Variants in ZC3H12B observed in about 807,000 individuals in gnomAD.
ZC3H12B encodes the protein zinc finger CCCH-type containing 12B.
A neutral mutation model predicts 43.9 loss-of-function variants in ZC3H12B; 7 were observed. The ratio of observed to expected loss-of-function variants is 0.16; its 90% CI spans 0.09 to 0.30. The LOEUF (loss-of-function observed/expected upper bound fraction) is 0.30, where lower values mean the gene tolerates loss of function less well. Among genes scored for constraint, ZC3H12B ranks in the 10% least tolerant of loss-of-function variants. The pLI is 1.00. For missense variants in ZC3H12B, 475 were observed against 670.2 expected, an observed-to-expected ratio of 0.71 and a Z score of 3.22; for synonymous variants, 222 against 241.7, an observed-to-expected ratio of 0.92 and a Z score of 0.76.
At chrX:65,298,448 A>T in the ZC3H12B span, among the ~76,000 whole-genome samples, 1 of 112,342 alleles carries the variant, frequency 8.9e-6, no homozygotes. Context: ...ACAACAATAA[A>T]GATCTAAAAT....
intron 3 of ZC3H12B, among the ~76,000 whole-genome samples, chrX:65,452,438 G>GAA (rs778151005): frequency 1.1e-5 from 1 of 93,245 alleles, no homozygotes; most frequent in Non-Finnish European, 2.2e-5. Context: ...TACAATAGCT[G>GAA]AAAAAAAAAA....
At chrX:65,244,124 G>A in the ZC3H12B span, among the ~76,000 whole-genome samples, 3 of 111,220 alleles carry the variant, frequency 2.7e-5, no homozygotes, top group African/African-American at 9.8e-5. Context: ...GAGTGGAATG[G>A]TACTATCCCT....
chrX:65,374,788 CCTT>C (rs1224028175), intron 2 of ZC3H12B, among the ~76,000 whole-genome samples: 3 of 111,056 alleles, frequency 2.7e-5, no homozygotes, highest in Non-Finnish European at 5.7e-5. Flanking sequence ...GCAATCATGT[CCTT>C]CTTCACATGG....
chrX:65,269,663 C>CT, the ZC3H12B span, among the ~76,000 whole-genome samples: 141 of 108,228 alleles, frequency 1.3e-3, no homozygotes, highest in Middle Eastern at 4.8e-3. Flanking sequence ...TCACACCTGG[C>CT]TTTTTTTTTC....
intron 3 of ZC3H12B, among the ~76,000 whole-genome samples, chrX:65,472,496 G>A (rs748982979): frequency 8.3e-5 from 9 of 108,858 alleles, no homozygotes; most frequent in Non-Finnish European, 1.3e-4. Context: ...CCAAAAAATC[G>A]TTGCCCAGAC....
At chrX:65,130,217 G>A in the ZC3H12B span, among the ~76,000 whole-genome samples, 9 of 111,169 alleles carry the variant, frequency 8.1e-5, no homozygotes, top group Admixed American at 8.6e-4. Context: ...ATTGAAGACA[G>A]TAAGGGGTAT....
chrX:65,212,531 A>T, the ZC3H12B span, among the ~76,000 whole-genome samples: 1 of 74,559 alleles, frequency 1.3e-5, no homozygotes, highest in East Asian at 3.9e-4. Flanking sequence ...ATTATATTAC[A>T]TATAATGTAT....
At chrX:65,139,662 ATTGCT>A in the ZC3H12B span, among the ~76,000 whole-genome samples, 1 of 111,537 alleles carries the variant, frequency 9.0e-6, no homozygotes, top group East Asian at 2.8e-4. Flanking sequence ...GAATATATAG[ATTGCT>A]TTGAGTAGTA....
chrX:65,070,656 G>T, the ZC3H12B span, among the ~76,000 whole-genome samples: 1 of 110,613 alleles, frequency 9.0e-6, no homozygotes, highest in Admixed American at 9.6e-5. Context: ...CAGTTTCAAA[G>T]AACTTCTTGA....
chrX:65,423,359 C>A (rs1448611339), intron 3 of ZC3H12B, among the ~76,000 whole-genome samples: 2 of 112,207 alleles, frequency 1.8e-5, no homozygotes, highest in Non-Finnish European at 3.8e-5. Flanking sequence ...GATTTATAAT[C>A]CTTTGGGTAT....
the ZC3H12B span, among the ~76,000 whole-genome samples, chrX:65,311,757 A>T: frequency 3.6e-5 from 4 of 111,996 alleles, no homozygotes; most frequent in Non-Finnish European, 7.5e-5. Context: ...ATGTCCATCA[A>T]TGATAGACTG....
chrX:65,406,730 C>T (rs1305482921), intron 3 of ZC3H12B, among the ~76,000 whole-genome samples: 1 of 111,843 alleles, frequency 8.9e-6, no homozygotes, highest in Non-Finnish European at 1.9e-5. Flanking sequence ...GTAGGAGCGG[C>T]GGCTGCAGGA....
chrX:65,196,196 G>T, the ZC3H12B span, among the ~76,000 whole-genome samples: 1 of 102,191 alleles, frequency 9.8e-6, no homozygotes, highest in African/African-American at 3.6e-5. Context: ...AGGACAGCCA[G>T]GGGTCTGCAG....
the ZC3H12B span, among the ~76,000 whole-genome samples, chrX:65,327,104 C>A: frequency 6.3e-5 from 7 of 111,108 alleles, no homozygotes; most frequent in Admixed American, 5.8e-4. Context: ...ACTATATGAT[C>A]CAGCAATCCC....
At chrX:65,274,042 G>A in the ZC3H12B span, among the ~76,000 whole-genome samples, 1 of 111,942 alleles carries the variant, frequency 8.9e-6, no homozygotes, top group African/African-American at 3.3e-5. Flanking sequence ...TGGAAGTATA[G>A]GAGGGCAGAA....
intron 2 of ZC3H12B, 65 bp from the exon 5 acceptor site, chrX:65,398,528 G>T (rs190070739): frequency 9.0e-6 from 1 of 111,168 alleles, no homozygotes; most frequent in Non-Finnish European, 1.9e-5. Flanking sequence ...GTTCTTATGA[G>T]ATCTGATGGC....
the ZC3H12B span, among the ~76,000 whole-genome samples, chrX:65,141,976 C>G: frequency 1.8e-5 from 2 of 112,128 alleles, no homozygotes; most frequent in Non-Finnish European, 3.8e-5. Context: ...TAAACATGCA[C>G]GTGCAACCAA....
the ZC3H12B span, among the ~76,000 whole-genome samples, chrX:65,331,424 A>G: frequency 5.4e-5 from 6 of 111,553 alleles, no homozygotes; most frequent in African/African-American, 2.0e-4. Context: ...TTATACATGG[A>G]ATCTAAAATG....
At chrX:65,245,055 G>A in the ZC3H12B span, among the ~76,000 whole-genome samples, 1 of 111,028 alleles carries the variant, frequency 9.0e-6, no homozygotes. Flanking sequence ...ATGACAAGAG[G>A]GATGTTAATA....
Sources: gnomAD v4.1 joint callset for allele counts (sites outside exome capture counted in the v4.1 genomes callset) on GRCh38, gnomAD v4.1.1 for gene constraint, MANE v1.5 for transcripts, NCBI Gene and HGNC (gene_info 2026-07-23, HGNC 2026-07-21) for gene names.